CPA6: variants seen among roughly 807,000 people sequenced by gnomAD.
CPA6 encodes the protein carboxypeptidase B.
CPA6 carries 58 observed loss-of-function variants against 63.3 expected under a neutral mutation model. The observed-to-expected ratio is 0.92, with a 90% confidence interval of 0.74 to 1.14. The LOEUF (loss-of-function observed/expected upper bound fraction) is 1.14. CPA6 is among the 50% of genes most tolerant of loss of function. The pLI, the probability that CPA6 is intolerant of heterozygous loss-of-function variation, is 0.00. For synonymous variants in CPA6, 185 were observed against 179.0 expected, an observed-to-expected ratio of 1.03 and a Z score of -0.27; for missense variants, 565 against 526.6, an observed-to-expected ratio of 1.07 and a Z score of -0.71.
At chr8:67,537,627 CA>C (rs1374059320) in intron 2 of CPA6, among the ~76,000 whole-genome samples, 2 of 151,850 alleles carry the variant, frequency 1.3e-5, no homozygotes, top group Admixed American at 1.3e-4. Flanking sequence ...TTAATCTTTT[CA>C]AAAAACCAGC....
intron 6 of CPA6, among the ~76,000 whole-genome samples, chr8:67,498,528 T>C: frequency 1.0e-5 from 1 of 99,222 alleles, no homozygotes; most frequent in Non-Finnish European, 1.8e-5. Flanking sequence ...AGAGCGAGAC[T>C]CCATCTCAAA....
At chr8:67,567,292 T>C (rs975850248) in intron 2 of CPA6, among the ~76,000 whole-genome samples, 1 of 152,216 alleles carries the variant, frequency 6.6e-6, no homozygotes, top group African/African-American at 2.4e-5. Flanking sequence ...AGTTTTGAGA[T>C]GTCCTCTTAA....
At chr8:67,681,041 C>A (rs1046304052) in intron 1 of CPA6, among the ~76,000 whole-genome samples, 4 of 151,776 alleles carry the variant, frequency 2.6e-5, no homozygotes, top group Non-Finnish European at 4.4e-5. Context: ...ATATTCTCTT[C>A]ATTTGTGGCT....
chr8:67,614,886 C>A (rs892046182), intron 2 of CPA6, among the ~76,000 whole-genome samples: 9 of 152,148 alleles, frequency 5.9e-5, no homozygotes, highest in African/African-American at 1.9e-4. Context: ...GTGAAGTAGG[C>A]AAAGAACACA....
intron 2 of CPA6, among the ~76,000 whole-genome samples, chr8:67,561,794 C>G (rs1304822798): frequency 6.6e-6 from 1 of 152,160 alleles, no homozygotes; most frequent in African/African-American, 2.4e-5. Flanking sequence ...AAGAATTCAG[C>G]ATGATGGGGC....
At chr8:67,428,182 G>T in intron 9 of CPA6, 51 bp from the exon 10 acceptor site, 1 of 1,032,714 alleles carries the variant, frequency 9.7e-7, no homozygotes, top group Non-Finnish European at 1.5e-6. Flanking sequence ...GAAACTTTTA[G>T]ATACACTGCT....
intron 1 of CPA6, among the ~76,000 whole-genome samples, chr8:67,741,992 A>G (rs2553668): frequency 0.74 from 111,705 of 151,936 alleles, 42,596 homozygotes; most frequent in East Asian, 0.83. Context: ...TTTGATGTGT[A>G]GGCAATTTTC....
At chr8:67,681,376 A>AT (rs1278248531) in intron 1 of CPA6, among the ~76,000 whole-genome samples, 1 of 149,330 alleles carries the variant, frequency 6.7e-6, no homozygotes, top group Admixed American at 6.6e-5. Context: ...TGCCCGGCTA[A>AT]TTTTTTGTAT....
intron 2 of CPA6, among the ~76,000 whole-genome samples, chr8:67,560,803 C>T (rs1211441766): frequency 6.6e-6 from 1 of 152,118 alleles, no homozygotes; most frequent in Non-Finnish European, 1.5e-5. Flanking sequence ...CTTTTCCCAC[C>T]TGTTCTGTGA....
At chr8:67,721,653 C>T (rs937620681) in intron 1 of CPA6, among the ~76,000 whole-genome samples, 8 of 152,096 alleles carry the variant, frequency 5.3e-5, no homozygotes, top group South Asian at 2.1e-4. Context: ...AAGGCTGGTA[C>T]GTTACTTTAA....
intron 2 of CPA6, among the ~76,000 whole-genome samples, chr8:67,555,334 G>A (rs1180542376): frequency 2.6e-5 from 4 of 152,108 alleles, no homozygotes; most frequent in Non-Finnish European, 4.4e-5. Flanking sequence ...AGTCATCGAT[G>A]GCCAATGATT....
At chr8:67,647,191 A>G (rs555044241) in intron 1 of CPA6, among the ~76,000 whole-genome samples, 1 of 152,252 alleles carries the variant, frequency 6.6e-6, no homozygotes, top group South Asian at 2.1e-4. Context: ...TGACCACAGG[A>G]GAGGGAGGAA....
intron 2 of CPA6, among the ~76,000 whole-genome samples, chr8:67,604,553 G>A (rs1350996778): frequency 6.6e-6 from 1 of 151,598 alleles, no homozygotes; most frequent in Non-Finnish European, 1.5e-5. Flanking sequence ...TTTGTTTTTT[G>A]TTAATCTCTC....
chr8:67,694,130 G>T (rs1816866225), intron 1 of CPA6, among the ~76,000 whole-genome samples: 1 of 152,148 alleles, frequency 6.6e-6, no homozygotes, highest in African/African-American at 2.4e-5. Context: ...GTTTTGAGTG[G>T]GGCCCAGAAC....
At chr8:67,455,866 T>C (rs796216557) in intron 8 of CPA6, among the ~76,000 whole-genome samples, 3 of 151,978 alleles carry the variant, frequency 2.0e-5, no homozygotes, top group African/African-American at 7.2e-5. Context: ...AGGCATGCAC[T>C]AGAATGCTCA....
intron 2 of CPA6, among the ~76,000 whole-genome samples, chr8:67,550,074 C>T (rs2128972698): frequency 6.6e-6 from 1 of 152,238 alleles, no homozygotes; most frequent in African/African-American, 2.4e-5. Context: ...TTTGGAGCTA[C>T]ATGTGCAGAT....
intron 2 of CPA6, among the ~76,000 whole-genome samples, chr8:67,585,934 A>T (rs973149166): frequency 1.4e-5 from 2 of 147,532 alleles, no homozygotes; most frequent in Non-Finnish European, 3.0e-5. Context: ...TGAAGGCCTC[A>T]GTAAGTAATA....
intron 2 of CPA6, chr8:67,569,332 G>A (rs1813424649): frequency 1.1e-5 from 2 of 180,212 alleles, no homozygotes. Context: ...TATTCAAAGT[G>A]TTGAAGAAAA....
chr8:67,620,785 C>G (rs532208601), intron 2 of CPA6, among the ~76,000 whole-genome samples: 1 of 152,142 alleles, frequency 6.6e-6, no homozygotes, highest in Non-Finnish European at 1.5e-5. Flanking sequence ...ATAAAACTAC[C>G]TCTTTAGTGA....
Sources: gnomAD v4.1 joint callset for allele counts (sites outside exome capture counted in the v4.1 genomes callset) on GRCh38, gnomAD v4.1.1 for gene constraint, MANE v1.5 for transcripts, NCBI Gene and HGNC (gene_info 2026-07-23, HGNC 2026-07-21) for gene names.